The following TMPRSS12 variants were observed in gnomAD, a reference collection of about 807,000 sequenced individuals.
The protein encoded by TMPRSS12 is transmembrane serine protease 12.
In TMPRSS12, 25 loss-of-function variants were observed where a neutral mutation model predicts 26.0. The observed-to-expected ratio is 0.96, with a 90% CI of 0.70 to 1.34. The LOEUF is 1.34. Among genes scored for constraint, TMPRSS12 ranks in the 40% most tolerant of loss-of-function variants. The pLI is 0.00. For synonymous variants in TMPRSS12, 150 were observed against 161.7 expected (o/e 0.93, Z 0.55); for missense variants, 441 against 440.1 (o/e 1.00, Z -0.02).
chr12:50,873,178 G>T (rs1312413563), intron 3 of TMPRSS12, among the ~76,000 whole-genome samples: 1 of 151,658 alleles, frequency 6.6e-6, no homozygotes, highest in Non-Finnish European at 1.5e-5. Flanking sequence ...GGACTTGGGG[G>T]ACTCAGGGGA....
intron 2 of TMPRSS12, among the ~76,000 whole-genome samples, chr12:50,854,630 T>A (rs1367119950): frequency 6.6e-6 from 1 of 151,962 alleles, no homozygotes; most frequent in African/African-American, 2.4e-5. Context: ...AAAAAAAAAG[T>A]CAATGTACAA....
intron 3 of TMPRSS12, among the ~76,000 whole-genome samples, chr12:50,864,555 A>C (rs1937970639): frequency 1.3e-5 from 2 of 152,176 alleles, no homozygotes; most frequent in African/African-American, 4.8e-5. Flanking sequence ...TAAGCCTCCC[A>C]AGGACTTCAG....
rs1937744271 is a variant in TMPRSS12, at chr12:50,844,014, T to C, written c.360T>C (p.Ala120=). 1 of 1,594,960 alleles carries C rather than the reference T, an allele frequency of 6.3e-7. No homozygotes were observed. Among genetic ancestry groups the C allele is most frequent in the East Asian group, 2.3e-5 (1 of 44,408 alleles). Residue 120 remains alanine (A), a synonymous_variant, in exon 2 of 5, where the codon GCT becomes GCC. Coordinates refer to ENST00000398458, the MANE Select transcript of TMPRSS12 (RefSeq NM_182559.3). ...TLVRERWVLT[A]AHCTKDASDP... ...TGAGAGAGAGGTGGGTCCTCACAGC[T>C]GCCCACTGCACTAAAGACGCTAGGT...
At chr12:50,877,544 C>G (rs754060505) in intron 3 of TMPRSS12, among the ~76,000 whole-genome samples, 1 of 152,150 alleles carries the variant, frequency 6.6e-6, no homozygotes, top group Non-Finnish European at 1.5e-5. Flanking sequence ...TCTATACTTG[C>G]AATAAACTAT....
In TMPRSS12 at chr12:50,843,157, AC is replaced by A; in HGVS notation, c.187+8del. 6.4e-7 allele frequency: 1 copy of A among 1,552,502 alleles called. No homozygotes were observed. ...GGGAGGGGCGCATGCAGAGGGCAGT[AC>A]CTGTTCGTGCCTGTCTCTGGGGAGC... On this transcript the variant is annotated splice_region_variant and intron_variant, in intron 1 of 4. Transcript: ENST00000398458.
At chr12:50,861,381 T>C (rs1937932681) in intron 3 of TMPRSS12, among the ~76,000 whole-genome samples, 1 of 41,206 alleles carries the variant, frequency 2.4e-5, no homozygotes. Flanking sequence ...CTGTGAATTA[T>C]TATTTTTCTT....
At chr12:50,868,690 A>G (rs756812824) in intron 3 of TMPRSS12, among the ~76,000 whole-genome samples, 19 of 152,196 alleles carry the variant, frequency 1.2e-4, no homozygotes, top group African/African-American at 3.1e-4. Context: ...CAACTGCAGA[A>G]TACACTTTCT....
intron 3 of TMPRSS12, among the ~76,000 whole-genome samples, chr12:50,881,709 G>A (rs1401988198): frequency 2.6e-5 from 4 of 151,454 alleles, no homozygotes; most frequent in Non-Finnish European, 4.4e-5. Flanking sequence ...TGTGGCTCAC[G>A]CCTGTAATCC....
chr12:50,871,094 AATTCTAAAATTC>A (rs1938038094), intron 3 of TMPRSS12, among the ~76,000 whole-genome samples: 2 of 152,090 alleles, frequency 1.3e-5, no homozygotes, highest in Admixed American at 1.3e-4. Flanking sequence ...TATAAAAAAG[AATTCTAAAATTC>A]ATATGGAACC....
intron 3 of TMPRSS12, among the ~76,000 whole-genome samples, chr12:50,878,905 C>A (rs1937634518): frequency 6.6e-6 from 1 of 152,166 alleles, no homozygotes; most frequent in Non-Finnish European, 1.5e-5. Context: ...GAGCTCTCAT[C>A]AGCGAGATTA....
chr12:50,851,901 C>A (rs1263652771), intron 2 of TMPRSS12, among the ~76,000 whole-genome samples: 2 of 152,172 alleles, frequency 1.3e-5, no homozygotes, highest in Non-Finnish European at 1.5e-5. Flanking sequence ...TATTTAGCAT[C>A]CTTAAAGAAA....
chr12:50,884,877 T>TA (rs773236488), intron 3 of TMPRSS12, among the ~76,000 whole-genome samples: 11 of 104,272 alleles, frequency 1.1e-4, no homozygotes, highest in African/African-American at 4.4e-4. Flanking sequence ...ATCTCAAAAA[T>TA]TAAAAAAAAA....
intron 3 of TMPRSS12, among the ~76,000 whole-genome samples, chr12:50,863,028 A>G (rs907137049): frequency 6.6e-6 from 1 of 151,968 alleles, no homozygotes; most frequent in African/African-American, 2.4e-5. Context: ...CCTCGTCGCT[A>G]AAAAAATTAG....
At chr12:50,872,684 ATGCACATATATATGACGTATATG>A (rs1938064529) in intron 3 of TMPRSS12, among the ~76,000 whole-genome samples, 4 of 37,880 alleles carry the variant, frequency 1.1e-4, no homozygotes, top group Admixed American at 2.5e-4. Context: ...TATGACGTAT[ATGCACATATATATGACGTATATG>A]TGTACATATA....
chr12:50,881,999 AT>A (rs1938177676), intron 3 of TMPRSS12, among the ~76,000 whole-genome samples: 2 of 9,096 alleles, frequency 2.2e-4, no homozygotes, highest in Non-Finnish European at 3.5e-4. Flanking sequence ...AAAAAAAAAA[AT>A]ATATATATAT....
intron 2 of TMPRSS12, among the ~76,000 whole-genome samples, chr12:50,846,242 A>G (rs539436281): frequency 7.9e-5 from 12 of 151,998 alleles, no homozygotes; most frequent in African/African-American, 2.2e-4. Context: ...CTTTTCCCCT[A>G]TGTTTTCTTC....
At chr12:50,845,066 G>T (rs1937755334) in intron 2 of TMPRSS12, among the ~76,000 whole-genome samples, 1 of 152,156 alleles carries the variant, frequency 6.6e-6, no homozygotes, top group Non-Finnish European at 1.5e-5. Context: ...TTTATGGACT[G>T]TATGAAAACA....
intron 3 of TMPRSS12, among the ~76,000 whole-genome samples, chr12:50,870,496 T>C (rs1049429856): frequency 1.3e-5 from 2 of 152,078 alleles, no homozygotes; most frequent in African/African-American, 4.8e-5. Context: ...GCCAACATAA[T>C]ACTGAATGGG....
At chr12:50,880,375 G>A (rs1410969304) in intron 3 of TMPRSS12, among the ~76,000 whole-genome samples, 2 of 152,166 alleles carry the variant, frequency 1.3e-5, no homozygotes, top group Non-Finnish European at 2.9e-5. Flanking sequence ...GGGTGACACA[G>A]CAAGACCTCA....
Sources: gnomAD v4.1 joint callset for allele counts (sites outside exome capture counted in the v4.1 genomes callset) on GRCh38, gnomAD v4.1.1 for gene constraint, MANE v1.5 for transcripts, NCBI Gene and HGNC (gene_info 2026-07-23, HGNC 2026-07-21) for gene names.